ANKRD44: variants seen among roughly 807,000 people sequenced by gnomAD.
ANKRD44 encodes ankyrin repeat domain 44, also known as serine/threonine-protein phosphatase 6 regulatory ankyrin repeat subunit B.
Under a neutral mutation model 116.0 loss-of-function variants are expected in ANKRD44, and 35 were observed. The ratio of observed to expected loss-of-function variants is 0.30; its 90% CI spans 0.23 to 0.40. The LOEUF is 0.40. ANKRD44 is among the 10% of genes least tolerant of loss of function. The pLI is 1.00. For synonymous variants in ANKRD44, 435 were observed against 461.8 expected, an observed-to-expected ratio of 0.94 and a Z score of 0.74; for missense variants, 1,014 against 1,242.6, an observed-to-expected ratio of 0.82 and a Z score of 2.77.
chr2:197,231,149 G>T (rs114477494), intron 1 of ANKRD44, among the ~76,000 whole-genome samples: 141 of 152,300 alleles, frequency 9.3e-4, no homozygotes, highest in Admixed American at 1.9e-3. Context: ...AGGGCTGGGC[G>T]TGATGGCTTA....
At chr2:197,093,200 T>G (rs1315693747) in intron 10 of ANKRD44, among the ~76,000 whole-genome samples, 1 of 152,072 alleles carries the variant, frequency 6.6e-6, no homozygotes, top group Non-Finnish European at 1.5e-5. Flanking sequence ...AAGTTCCATA[T>G]GTATCTTTAT....
At chr2:197,049,453 C>T (rs1054285888) in intron 16 of ANKRD44, among the ~76,000 whole-genome samples, 2 of 152,132 alleles carry the variant, frequency 1.3e-5, no homozygotes, top group Admixed American at 6.5e-5. Context: ...AATATATACA[C>T]GGTAGCAAGA....
At chr2:197,158,900 T>C (rs551609341) in intron 2 of ANKRD44, among the ~76,000 whole-genome samples, 2 of 152,264 alleles carry the variant, frequency 1.3e-5, no homozygotes, top group African/African-American at 4.8e-5. Context: ...TGAAAGAATC[T>C]TGCTTTCTTG....
intron 1 of ANKRD44, among the ~76,000 whole-genome samples, chr2:197,267,544 G>C (rs1390361408): frequency 6.6e-6 from 1 of 152,118 alleles, no homozygotes; most frequent in Admixed American, 6.6e-5. Context: ...AATGTTTCTT[G>C]ATTCTCCACC....
chr2:197,022,428 C>A (rs2076514755), intron 17 of ANKRD44, among the ~76,000 whole-genome samples: 2 of 152,288 alleles, frequency 1.3e-5, no homozygotes, highest in South Asian at 4.1e-4. Context: ...TTCCTCAAGA[C>A]CCTCCTAATA....
chr2:197,004,020 A>T (rs2076159756), intron 21 of ANKRD44, among the ~76,000 whole-genome samples: 1 of 152,184 alleles, frequency 6.6e-6, no homozygotes, highest in South Asian at 2.1e-4. Context: ...TTGTGGAACT[A>T]TTAATGGTTT....
downstream of ANKRD44, among the ~76,000 whole-genome samples, chr2:196,982,802 A>T (rs1368163159): frequency 6.6e-6 from 1 of 152,238 alleles, no homozygotes. Flanking sequence ...AAATCACTGG[A>T]TAAAGAAAAT....
At chr2:197,157,905 G>A (rs942133241) in intron 2 of ANKRD44, among the ~76,000 whole-genome samples, 1 of 152,170 alleles carries the variant, frequency 6.6e-6, no homozygotes, top group African/African-American at 2.4e-5. Context: ...TCTTACCACT[G>A]TGCCCAGACA....
At chr2:197,259,934 A>G (rs2082552360) in intron 1 of ANKRD44, among the ~76,000 whole-genome samples, 2 of 152,182 alleles carry the variant, frequency 1.3e-5, no homozygotes, top group African/African-American at 4.8e-5. Flanking sequence ...GGAAAAAAAA[A>G]GAAAGAAAGA....
At position 197,106,219 on chromosome 2, in the gene ANKRD44, A is replaced by G. The variant is rs2078422912; in HGVS notation, c.985+4547T>C. 2.0e-5 allele frequency among the ~76,000 whole-genome samples: 3 copies of G among 152,168 alleles called. No homozygotes were observed. In the South Asian group the frequency reaches 6.2e-4, roughly 32 times the overall value. On this transcript the variant is annotated intron_variant, in intron 9 of 27. Coordinates refer to ENST00000282272, the MANE Select transcript of ANKRD44 (RefSeq NM_001195144.2). Reference sequence around the variant, plus strand: ...CACTTTGCAAGGCCAAGGTGGGCAGATCACCTGAGGCCAGGAGTTCAAGAA... The same window carrying G: ...CACTTTGCAAGGCCAAGGTGGGCAGGTCACCTGAGGCCAGGAGTTCAAGAA...
In ANKRD44 at chr2:197,083,428, T is replaced by G; in HGVS notation, c.1398A>C (p.Glu466Asp). The G allele has an allele frequency of 6.2e-7, 1 of 1,614,036 alleles. No homozygotes were observed. The highest frequency in any genetic ancestry group is 1.1e-5 in the South Asian group (1 of 91,046). ...AAGCTGTGCGTCCCCAGTCATCTGT[T>G]TCATTAACGTTGGCCCCTGTGGTCA... ...TLVTTGANVN[E>D]TDDWGRTALH... Residue 466 changes from glutamate to aspartate, a missense_variant, in exon 14 of 28, where the codon GAA (glutamate) becomes GAC (aspartate). Physicochemically the swap from Glu to Asp is conservative, Grantham distance 45 (BLOSUM62 2). Transcript: ENST00000282272.
intron 16 of ANKRD44, among the ~76,000 whole-genome samples, chr2:197,068,404 T>A (rs9711831): frequency 0.7 from 91,835 of 131,890 alleles, 32,827 homozygotes; most frequent in East Asian, 0.86. Flanking sequence ...AAAATAAAAA[T>A]AAAATAAAAA....
At position 197,083,458 on chromosome 2, in the gene ANKRD44, T is replaced by C. The variant is rs775163277; in HGVS notation, c.1368A>G (p.Thr456=). ...TAACGTTGGCCCCTGTGGTCACTAATGTCTCAATACAGTGGAAATGACAAT... is the reference window on the plus strand; with the variant it reads ...TAACGTTGGCCCCTGTGGTCACTAACGTCTCAATACAGTGGAAATGACAAT... The part of the protein sequence containing the change: ...AANCHFHCIE[T]LVTTGANVNE... The change falls in exon 14 of 28, where the codon ACA becomes ACG. Residue 456 remains threonine, a synonymous_variant. Coordinates refer to ENST00000282272, the MANE Select transcript of ANKRD44 (RefSeq NM_001195144.2). 2 of 1,614,038 alleles carry C rather than the reference T, an allele frequency of 1.2e-6. No individual in the cohort carries two copies. Among genetic ancestry groups the C allele is most frequent in the Non-Finnish European group, 8.5e-7 (1 of 1,179,930 alleles).
chr2:197,306,233 A>G (rs1264379801), intron 1 of ANKRD44, among the ~76,000 whole-genome samples: 2 of 152,132 alleles, frequency 1.3e-5, no homozygotes, highest in Admixed American at 1.3e-4. Flanking sequence ...CCTTTCAACT[A>G]TGAAAAGTAT....
At chr2:197,292,035 C>T (rs1574459906) in intron 1 of ANKRD44, among the ~76,000 whole-genome samples, 11 of 152,144 alleles carry the variant, frequency 7.2e-5, no homozygotes, top group Admixed American at 7.2e-4. Flanking sequence ...TAGTATTCTA[C>T]TGTGTATATG....
chr2:197,108,875 A>AAAAAAAAC (rs1295622096), intron 9 of ANKRD44, among the ~76,000 whole-genome samples: 2 of 151,470 alleles, frequency 1.3e-5, no homozygotes, highest in African/African-American at 4.8e-5. Flanking sequence ...CAACAACAAA[A>AAAAAAAAC]ACACAAATAA....
chr2:197,005,685 G>C lies in ANKRD44; in HGVS notation c.2347+9C>G. On this transcript the variant is annotated intron_variant, in intron 21 of 27. Coordinates refer to ENST00000282272, the MANE Select transcript of ANKRD44 (RefSeq NM_001195144.2). ...TCTAGTGGAATCAGTCAAATGATAA[G>C]CAACTCACCATTGTAACAAGCCCAG... The C allele has an allele frequency of 6.2e-7, 1 of 1,613,808 alleles. No individual in the cohort carries two copies. The highest frequency in any genetic ancestry group is 8.5e-7 in the Non-Finnish European group (1 of 1,179,718).
chr2:197,005,730 G>C lies in ANKRD44; in HGVS notation c.2311C>G (p.Gln771Glu). Residue 771 changes from glutamine to glutamate, a missense_variant, in exon 21 of 28, where the codon CAA becomes GAA. Physicochemically the swap from Gln to Glu is conservative, Grantham distance 29 (BLOSUM62 2). Coordinates refer to ENST00000282272, the MANE Select transcript of ANKRD44 (RefSeq NM_001195144.2). ...SEEDCCFKDN[Q>E]GYTPLHWACY... ...GCCCAGTGCAGCGGCGTGTAGCCTT[G>C]GTTATCTTTGAAACAACAGTCCTCC... The C allele has an allele frequency of 1.9e-6, 3 of 1,614,010 alleles. No homozygotes were observed. The highest frequency in any genetic ancestry group is 2.5e-6 in the Non-Finnish European group (3 of 1,179,986).
chr2:197,139,291 A>G (rs2079298566), intron 3 of ANKRD44, among the ~76,000 whole-genome samples: 2 of 152,188 alleles, frequency 1.3e-5, no homozygotes, highest in East Asian at 3.8e-4. Flanking sequence ...ATGGATAACG[A>G]CGTTGTGGTA....
Sources: allele counts gnomAD v4.1 joint callset (sites outside exome capture counted in the v4.1 genomes callset), GRCh38; gene constraint gnomAD v4.1.1; transcripts MANE v1.5; gene names NCBI Gene and HGNC (gene_info 2026-07-23, HGNC 2026-07-21).